Variants in DPYD observed in about 807,000 individuals in gnomAD.
DPYD encodes the protein dihydropyrimidine dehydrogenase.
In DPYD, 109 loss-of-function variants were observed where a neutral mutation model predicts 116.2. That is an observed-to-expected ratio of 0.94 (90% confidence interval 0.80 to 1.10). The LOEUF is 1.10. Ranked by LOEUF, DPYD falls within the 50% of genes least tolerant of loss-of-function variation. The probability of loss-of-function intolerance (pLI) is 0.00; values close to 1 mark genes in which losing one functional copy is unlikely to be tolerated. For synonymous variants in DPYD, 440 were observed against 432.0 expected (o/e 1.02, Z -0.23); for missense variants, 1,302 against 1,254.5 (o/e 1.04, Z -0.57).
intron 8 of DPYD, among the ~76,000 whole-genome samples, chr1:97,659,545 G>C (rs1659134809): frequency 6.6e-6 from 1 of 152,062 alleles, no homozygotes; most frequent in Non-Finnish European, 1.5e-5. Context: ...TTGAACTATT[G>C]TTCTTTAATA....
chr1:97,772,366 A>T (rs1403542942), intron 3 of DPYD, among the ~76,000 whole-genome samples: 1 of 152,196 alleles, frequency 6.6e-6, no homozygotes, highest in Non-Finnish European at 1.5e-5. Flanking sequence ...AGGAAAAGTT[A>T]GCTATCCAGC....
At chr1:97,864,071 A>G (rs1041962033) in intron 2 of DPYD, among the ~76,000 whole-genome samples, 3 of 152,052 alleles carry the variant, frequency 2.0e-5, no homozygotes, top group Non-Finnish European at 4.4e-5. Context: ...TTAATACAAT[A>G]TAAGTAAGTT....
At chr1:97,457,998 G>T (rs1676788128) in intron 13 of DPYD, among the ~76,000 whole-genome samples, 1 of 152,160 alleles carries the variant, frequency 6.6e-6, no homozygotes, top group Non-Finnish European at 1.5e-5. Context: ...TCACTGTTCA[G>T]ATAAGAGGTT....
intron 12 of DPYD, among the ~76,000 whole-genome samples, chr1:97,518,021 C>T (rs1388850975): frequency 2.0e-5 from 3 of 152,078 alleles, no homozygotes; most frequent in South Asian, 2.1e-4. Context: ...ACTTGCATTG[C>T]TTAATTTATG....
At chr1:97,691,457 T>A in intron 7 of DPYD, 1 of 364,088 alleles carries the variant, frequency 2.7e-6, no homozygotes, top group Non-Finnish European at 5.1e-6. Context: ...CTAAAGCAAT[T>A]TAGGAATTTG....
rs59090402 is a variant in DPYD, at chr1:97,469,397, C to CAAAAAAAAAAAAAAAAAAAA, written c.1741-19194_1741-19175dup. ...ATAGCTCTAAGGGAAGCTAAAATTG[C>CAAAAAAAAAAAAAAAAAAAA]AAAAAAAAAAAAAAAAAAAAAAAAA... On this transcript the variant is annotated intron_variant, in intron 13 of 22. Transcript: ENST00000370192. Among the ~76,000 whole-genome samples, 59 of 80,804 alleles carry CAAAAAAAAAAAAAAAAAAAA rather than the reference C, an allele frequency of 7.3e-4. 2 individuals are homozygous for CAAAAAAAAAAAAAAAAAAAA. The highest frequency in any genetic ancestry group is 2.5e-3 in the African/African-American group (46 of 18,470). The allele number at this position is 80,804 out of a possible 152,430, so 53.0% of individuals were successfully genotyped here. A position where few individuals can be genotyped will look rare whatever the true frequency, so the allele number is the denominator to read the frequency against.
At chr1:97,597,305 C>T (rs1055852416) in intron 8 of DPYD, among the ~76,000 whole-genome samples, 1 of 152,146 alleles carries the variant, frequency 6.6e-6, no homozygotes, top group Non-Finnish European at 1.5e-5. Flanking sequence ...GGTGACAGGT[C>T]ATCCCTTCTG....
chr1:97,710,105 T>C (rs1662200487), intron 5 of DPYD, among the ~76,000 whole-genome samples: 1 of 151,876 alleles, frequency 6.6e-6, no homozygotes, highest in Admixed American at 6.6e-5. Context: ...AAAGGAATGT[T>C]ATTTCATCAG....
chr1:97,293,053 TTG>T (rs1238447974), intron 18 of DPYD, among the ~76,000 whole-genome samples: 1 of 152,178 alleles, frequency 6.6e-6, no homozygotes, highest in Non-Finnish European at 1.5e-5. Context: ...ATATGTTTCT[TTG>T]TGTTATTTCT....
intron 20 of DPYD, among the ~76,000 whole-genome samples, chr1:97,182,587 A>C (rs1657719560): frequency 6.6e-6 from 1 of 152,132 alleles, no homozygotes; most frequent in Admixed American, 6.6e-5. Flanking sequence ...ACATAATGTA[A>C]CTGTCTGGCA....
chr1:97,687,644 A>G (rs1660804898), intron 7 of DPYD, among the ~76,000 whole-genome samples: 1 of 152,230 alleles, frequency 6.6e-6, no homozygotes, highest in South Asian at 2.1e-4. Context: ...CCAAAGGAAT[A>G]TAGATCATTC....
chr1:97,377,185 TG>T (rs1375496714), intron 15 of DPYD, among the ~76,000 whole-genome samples: 1 of 152,004 alleles, frequency 6.6e-6, no homozygotes, highest in Non-Finnish European at 1.5e-5. Flanking sequence ...TATTTTTAAA[TG>T]TTTCCAAGGC....
At chr1:97,173,330 A>G (rs1159416733) in intron 20 of DPYD, among the ~76,000 whole-genome samples, 1 of 148,672 alleles carries the variant, frequency 6.7e-6, no homozygotes. Flanking sequence ...ATATACACAT[A>G]TATGTGTATA....
At chr1:97,486,275 A>C (rs1678628888) in intron 13 of DPYD, among the ~76,000 whole-genome samples, 1 of 152,138 alleles carries the variant, frequency 6.6e-6, no homozygotes, top group Admixed American at 6.5e-5. Context: ...TACATTAATA[A>C]ATTATTTTGG....
intron 13 of DPYD, among the ~76,000 whole-genome samples, chr1:97,511,000 C>T (rs1202095905): frequency 6.6e-6 from 1 of 151,898 alleles, no homozygotes; most frequent in Non-Finnish European, 1.5e-5. Context: ...ATATGCCCCA[C>T]ATGAGGCTCC....
At chr1:97,460,961 C>T (rs1045489795) in intron 13 of DPYD, among the ~76,000 whole-genome samples, 6 of 150,474 alleles carry the variant, frequency 4.0e-5, no homozygotes, top group East Asian at 2.0e-4. Flanking sequence ...CACTTGAACC[C>T]GGGGGGTGGA....
chr1:97,614,899 A>C (rs1557838291), intron 8 of DPYD, among the ~76,000 whole-genome samples: 1 of 152,076 alleles, frequency 6.6e-6, no homozygotes. Flanking sequence ...TCAAAAATCA[A>C]TGCTCTTTCC....
chr1:97,197,223 G>A (rs1057429961), intron 19 of DPYD, among the ~76,000 whole-genome samples: 1 of 151,966 alleles, frequency 6.6e-6, no homozygotes, highest in South Asian at 2.1e-4. Flanking sequence ...TAGAGTTGGT[G>A]GTGTTTTTTT....
At chr1:97,223,308 C>T (rs932561312) in intron 19 of DPYD, among the ~76,000 whole-genome samples, 1 of 151,860 alleles carries the variant, frequency 6.6e-6, no homozygotes, top group Non-Finnish European at 1.5e-5. Context: ...AGCAAATGCC[C>T]ACTATGCTTC....
Sources: gnomAD v4.1 joint callset for allele counts (sites outside exome capture counted in the v4.1 genomes callset) on GRCh38, gnomAD v4.1.1 for gene constraint, MANE v1.5 for transcripts, NCBI Gene and HGNC (gene_info 2026-07-23, HGNC 2026-07-21) for gene names.